CD247: variants seen among roughly 807,000 people sequenced by gnomAD.
CD247 encodes CD247 molecule, also known as T-cell surface glycoprotein CD3 zeta chain.
In CD247, 13 loss-of-function variants were observed where a neutral mutation model predicts 30.0. The observed-to-expected ratio is 0.43, with a 90% CI of 0.28 to 0.69. The LOEUF (loss-of-function observed/expected upper bound fraction) is 0.69. Ranked by LOEUF, CD247 falls within the 30% of genes least tolerant of loss-of-function variation. The probability of loss-of-function intolerance (pLI) is 0.16; values close to 1 mark genes in which losing one functional copy is unlikely to be tolerated. For synonymous variants in CD247, 72 were observed against 80.0 expected (o/e 0.90, Z 0.53); for missense variants, 193 against 212.6 (o/e 0.91, Z 0.57).
chr1:167,477,970 A>T (rs566726912), intron 1 of CD247, among the ~76,000 whole-genome samples: 1 of 152,266 alleles, frequency 6.6e-6, no homozygotes, highest in Non-Finnish European at 1.5e-5. Context: ...TTCTGTCCTG[A>T]TGACTATTTT....
intron 1 of CD247, among the ~76,000 whole-genome samples, chr1:167,515,036 G>C (rs909887855): frequency 3.3e-5 from 5 of 152,170 alleles, no homozygotes; most frequent in African/African-American, 1.2e-4. Flanking sequence ...CGTTTCTGGG[G>C]GATGCTTAGC....
chr1:167,470,022 T>A (rs529687483), intron 1 of CD247, among the ~76,000 whole-genome samples: 1 of 152,306 alleles, frequency 6.6e-6, no homozygotes, highest in African/African-American at 2.4e-5. Flanking sequence ...CAAGTGATTC[T>A]CTTGCCTCAG....
At chr1:167,506,219 TTTTTTCTTTTCTTTTCTTTTC>T (rs1655106363) in intron 1 of CD247, among the ~76,000 whole-genome samples, 1 of 78,692 alleles carries the variant, frequency 1.3e-5, no homozygotes, top group East Asian at 4.2e-4. Flanking sequence ...GCCATCTTTC[TTTTTTCTTTTCTTTTCTTTTC>T]TTTTCCTTTT....
At position 167,482,690 on chromosome 1, in the gene CD247, T is replaced by A. The variant is rs1258901072; in HGVS notation, c.58+35718A>T. ...TCCAGCACCATGGAGGACCATGGAG[T>A]GACCTTAAGGAATCCTTCTGGACAA... On this transcript the variant is annotated intron_variant, in intron 1 of 7. Transcript: ENST00000362089. 2.0e-5 allele frequency among the ~76,000 whole-genome samples: 3 copies of A among 152,094 alleles called. No homozygotes were observed. The East Asian group carries it at 5.8e-4, about 29-fold the overall frequency.
intron 1 of CD247, 105 bp from the exon 2 acceptor site, chr1:167,440,872 C>T (rs555809283): frequency 9.6e-6 from 7 of 731,626 alleles, no homozygotes; most frequent in African/African-American, 5.2e-5. Flanking sequence ...AATCATGACA[C>T]GGAGACTATA....
At chr1:167,489,369 GTTAA>G (rs1244656307) in intron 1 of CD247, among the ~76,000 whole-genome samples, 7 of 152,132 alleles carry the variant, frequency 4.6e-5, no homozygotes, top group African/African-American at 1.7e-4. Flanking sequence ...TAGAAACAGG[GTTAA>G]TTAAAGATTT....
intron 1 of CD247, among the ~76,000 whole-genome samples, chr1:167,469,321 G>A (rs915861748): frequency 6.6e-6 from 1 of 152,172 alleles, no homozygotes; most frequent in Admixed American, 6.5e-5. Context: ...TCGTCCAAAT[G>A]TCCAGATCCA....
intron 1 of CD247, among the ~76,000 whole-genome samples, chr1:167,474,862 C>T (rs1044014979): frequency 6.6e-6 from 1 of 150,628 alleles, no homozygotes; most frequent in Admixed American, 6.6e-5. Context: ...AAGCGATTCT[C>T]CTGCCTCAGC....
At chr1:167,444,558 G>A (rs1346962303) in intron 1 of CD247, among the ~76,000 whole-genome samples, 1 of 152,182 alleles carries the variant, frequency 6.6e-6, no homozygotes, top group East Asian at 1.9e-4. Flanking sequence ...GACTAATAGA[G>A]CATTCTCACA....
intron 6 of CD247, 26 bp downstream of exon 6, chr1:167,433,994 G>A (rs1172927797): frequency 1.8e-5 from 29 of 1,605,362 alleles, no homozygotes; most frequent in Admixed American, 3.3e-5. Context: ...GAACTCCCTC[G>A]GAAATTAAGA....
At chr1:167,447,900 T>A (rs1240021271) in intron 1 of CD247, among the ~76,000 whole-genome samples, 5 of 144,946 alleles carry the variant, frequency 3.4e-5, no homozygotes, top group African/African-American at 5.1e-5. Flanking sequence ...GGTGATGACA[T>A]TGCAGGGTAA....
intron 1 of CD247, among the ~76,000 whole-genome samples, chr1:167,441,289 A>C (rs1415366488): frequency 6.6e-6 from 1 of 152,134 alleles, no homozygotes; most frequent in African/African-American, 2.4e-5. Flanking sequence ...ACTCTCCCCC[A>C]ACTCCCTGCC....
intron 1 of CD247, among the ~76,000 whole-genome samples, chr1:167,506,948 G>C (rs1404815162): frequency 1.4e-5 from 2 of 143,772 alleles, no homozygotes; most frequent in East Asian, 4.0e-4. Context: ...CCAGGCTGGA[G>C]TGCAATGGTG....
At chr1:167,485,981 T>C (rs1274249624) in intron 1 of CD247, among the ~76,000 whole-genome samples, 1 of 152,162 alleles carries the variant, frequency 6.6e-6, no homozygotes, top group Non-Finnish European at 1.5e-5. Flanking sequence ...AGAGTCATTG[T>C]GGGCCGCCTT....
intron 1 of CD247, among the ~76,000 whole-genome samples, chr1:167,486,617 T>C (rs1013877707): frequency 1.3e-5 from 2 of 152,228 alleles, no homozygotes; most frequent in African/African-American, 2.4e-5. Context: ...TTTCCCACGC[T>C]TCAGAGGCCA....
chr1:167,448,797 G>T (rs1416654190), intron 1 of CD247, among the ~76,000 whole-genome samples: 1 of 152,156 alleles, frequency 6.6e-6, no homozygotes, highest in Non-Finnish European at 1.5e-5. Context: ...GGAGGTGGAG[G>T]TTGCAGTGAG....
intron 1 of CD247, among the ~76,000 whole-genome samples, chr1:167,514,310 G>T (rs1200249929): frequency 1.3e-5 from 2 of 151,894 alleles, no homozygotes; most frequent in Non-Finnish European, 2.9e-5. Flanking sequence ...TTAATTTTTT[G>T]CATTTTTTAG....
intron 1 of CD247, among the ~76,000 whole-genome samples, chr1:167,508,035 G>A (rs749337298): frequency 2.0e-5 from 3 of 152,040 alleles, no homozygotes; most frequent in Non-Finnish European, 2.9e-5. Flanking sequence ...CTTCCAAACC[G>A]ACAAAATCAA....
chr1:167,510,097 G>T (rs1158712074), intron 1 of CD247, among the ~76,000 whole-genome samples: 2 of 152,190 alleles, frequency 1.3e-5, no homozygotes, highest in Admixed American at 6.5e-5. Context: ...CAGACTGCCA[G>T]CCCTGAGTTG....
Sources: gnomAD v4.1 joint callset for allele counts (sites outside exome capture counted in the v4.1 genomes callset) on GRCh38, gnomAD v4.1.1 for gene constraint, MANE v1.5 for transcripts, NCBI Gene and HGNC (gene_info 2026-07-23, HGNC 2026-07-21) for gene names.